The following TGM7 variants were observed in gnomAD, a reference collection of about 807,000 sequenced individuals.
TGM7 encodes the protein transglutaminase 7, also known as protein-glutamine gamma-glutamyltransferase Z.
TGM7 carries 74 observed loss-of-function variants against 79.5 expected under a neutral mutation model. The observed-to-expected ratio is 0.93, with a 90% CI of 0.77 to 1.13. The LOEUF (loss-of-function observed/expected upper bound fraction) is 1.13, where lower values mean the gene tolerates loss of function less well. TGM7 is among the 50% of genes most tolerant of loss of function. The pLI, the probability that TGM7 is intolerant of heterozygous loss-of-function variation, is 0.00. For missense variants in TGM7, 912 were observed against 905.9 expected, an observed-to-expected ratio of 1.01 and a Z score of -0.09; for synonymous variants, 354 against 362.5, an observed-to-expected ratio of 0.98 and a Z score of 0.27.
intron 1 of TGM7, among the ~76,000 whole-genome samples, chr15:43,294,462 G>A (rs1380982525): frequency 6.6e-6 from 1 of 152,230 alleles, no homozygotes; most frequent in East Asian, 1.9e-4. Flanking sequence ...CTGAAAAATG[G>A]AGACAATTGT....
chr15:43,292,041 A>C lies in TGM7; in HGVS notation c.496T>G (p.Tyr166Asp), dbSNP rs2042965989. ...ILLQEYIMRD[Y>D]GFVYKGHERF... ...TCATGACCCTTGTAAACAAAGCCAT[A>C]ATCTCGCATGATATACTCCTGCAGC... is the stretch of plus-strand genomic sequence containing the variant. Residue 166 changes from tyrosine to aspartate, a missense_variant, in exon 4 of 13, where the codon TAT becomes GAT. By Grantham distance (160) the Tyr-to-Asp change is radical. Transcript: ENST00000452443. 1 of 1,614,066 alleles carries C rather than the reference A, an allele frequency of 6.2e-7. No individual in the cohort carries two copies. Among genetic ancestry groups the C allele is most frequent in the Non-Finnish European group, 8.5e-7 (1 of 1,180,012 alleles).
At chr15:43,290,434 T>C (rs892066578) in intron 4 of TGM7, among the ~76,000 whole-genome samples, 1 of 152,232 alleles carries the variant, frequency 6.6e-6, no homozygotes, top group African/African-American at 2.4e-5. Context: ...ATCTCTGTTT[T>C]GGTACCAGTA....
At position 43,281,927 on chromosome 15, in the gene TGM7, C is replaced by A; in HGVS notation, c.1268G>T (p.Ser423Ile). The A allele has an allele frequency of 6.2e-7, 1 of 1,614,258 alleles. No homozygotes were observed. The highest frequency in any genetic ancestry group is 8.5e-7 in the Non-Finnish European group (1 of 1,180,042). The stretch of plus-strand genomic sequence containing the variant: ...AGTGCTGATCTCCTTCCCGATGGAA[C>A]TGGTGTTGTGGGCCAGGATTTCCTG... The part of the protein sequence containing the change: ...QAQEILAHNT[S>I]SIGKEISTKM... Residue 423 changes from serine (S) to isoleucine (I), a missense_variant, in exon 9 of 13, where the codon AGT becomes ATT. Coordinates refer to ENST00000452443, the MANE Select transcript of TGM7 (RefSeq NM_052955.3).
chr15:43,291,984 C>A lies in TGM7; in HGVS notation c.553G>T (p.Gly185Trp). 1 of 1,613,348 alleles carries A rather than the reference C, an allele frequency of 6.2e-7. No individual in the cohort carries two copies. The highest frequency in any genetic ancestry group is 8.5e-7 in the Non-Finnish European group (1 of 1,179,438). The change falls in exon 4 of 13, where the codon GGG becomes TGG. Residue 185 changes from glycine (G) to tryptophan (W), a missense_variant. Coordinates refer to ENST00000452443, the MANE Select transcript of TGM7 (RefSeq NM_052955.3). ...RFITSWPWNY[G>W]QFEEDIIDIC... ...ACATTGGGTAATAGTGTTACCTGCC[C>A]GTAGTTCCAGGGCCAGGAGGTGATG...
intron 6 of TGM7, among the ~76,000 whole-genome samples, chr15:43,286,450 C>G (rs1006047819): frequency 2.0e-5 from 3 of 152,180 alleles, no homozygotes; most frequent in African/African-American, 7.2e-5. Context: ...CACACCTGGG[C>G]AAAGTGAGGT....
At chr15:43,278,266 C>T (rs185711093) in intron 11 of TGM7, among the ~76,000 whole-genome samples, 68 of 152,288 alleles carry the variant, frequency 4.5e-4, no homozygotes, top group Admixed American at 1.3e-3. Context: ...GGTGAGAAAA[C>T]GAGGCTTTCG....
At chr15:43,291,056 T>C (rs2042961298) in intron 4 of TGM7, among the ~76,000 whole-genome samples, 1 of 152,198 alleles carries the variant, frequency 6.6e-6, no homozygotes, top group Non-Finnish European at 1.5e-5. Context: ...ACCCTTTATT[T>C]CCTTCTCCTG....
intron 4 of TGM7, among the ~76,000 whole-genome samples, chr15:43,289,496 C>T (rs1160373737): frequency 3.9e-5 from 6 of 152,146 alleles, no homozygotes; most frequent in African/African-American, 7.2e-5. Flanking sequence ...CAAGTCTTTG[C>T]TATTGTGAAT....
intron 6 of TGM7, among the ~76,000 whole-genome samples, chr15:43,286,738 A>G (rs745841109): frequency 3.9e-5 from 6 of 152,188 alleles, no homozygotes; most frequent in Non-Finnish European, 7.3e-5. Flanking sequence ...TCTCATCTTC[A>G]CAGATGGTCT....
chr15:43,285,579 T>C (rs189309924), intron 6 of TGM7, among the ~76,000 whole-genome samples: 75 of 152,196 alleles, frequency 4.9e-4, no homozygotes, highest in Non-Finnish European at 8.8e-4. Context: ...AGCTCTGAAA[T>C]TTGGGATCTG....
At chr15:43,281,091 G>A (rs2042905870) in intron 9 of TGM7, among the ~76,000 whole-genome samples, 1 of 152,218 alleles carries the variant, frequency 6.6e-6, no homozygotes, top group Admixed American at 6.5e-5. Context: ...CCCACCTGTG[G>A]ACTTCTCTGG....
In TGM7 at chr15:43,276,361, G is replaced by C. The variant is rs2042876941; in HGVS notation, c.*94C>G. 4.9e-6 allele frequency: 7 copies of C among 1,418,474 alleles called. No individual in the cohort carries two copies. Among genetic ancestry groups the C allele is most frequent in the East Asian group, 2.3e-5 (1 of 43,322 alleles). 87.9% of individuals were successfully genotyped at this position (1,418,474 alleles called of 1,614,324 possible). A position where few individuals can be genotyped will look rare whatever the true frequency, so the allele number is the denominator to read the frequency against. On this transcript the variant is annotated 3_prime_UTR_variant, in exon 13 of 13. Transcript: ENST00000452443. ...TTCATTCATTCCCAGGCAGGCTAGA[G>C]AGAGGACAGAGGTGGAGCCAAGACG...
intron 1 of TGM7, among the ~76,000 whole-genome samples, chr15:43,298,155 G>C (rs2043009491): frequency 6.6e-6 from 1 of 152,208 alleles, no homozygotes; most frequent in Non-Finnish European, 1.5e-5. Flanking sequence ...AGGGAGGCTG[G>C]CTCCAGAGGC....
In TGM7 at chr15:43,279,692, C is replaced by G. The variant is rs201567074; in HGVS notation, c.1611G>C (p.Leu537=). 95 of 1,613,724 alleles carry G rather than the reference C, an allele frequency of 5.9e-5. No homozygotes were observed. The East Asian group carries it at 2.1e-3, about 36-fold the overall frequency. The change falls in exon 10 of 13, where the codon CTG becomes CTC. Residue 537 remains leucine, a synonymous_variant. Transcript: ENST00000452443. ...LVVRFCAQAL[L]HGGGTQKPFW... is the part of the protein sequence containing the mutation. Reference sequence around the variant, plus strand: ...AGGGCTTCTGGGTACCACCCCCATGCAGCAGGGCCTGTGCACAGAAGCGCA... The same window carrying G: ...AGGGCTTCTGGGTACCACCCCCATGGAGCAGGGCCTGTGCACAGAAGCGCA...
chr15:43,297,764 C>CAGCAGTAACCT (rs990443621), intron 1 of TGM7, among the ~76,000 whole-genome samples: 2 of 152,208 alleles, frequency 1.3e-5, no homozygotes, highest in African/African-American at 4.8e-5. Flanking sequence ...TCTCTCCACT[C>CAGCAGTAACCT]GGGTCTTGGC....
chr15:43,294,291 C>A (rs2042981682), intron 1 of TGM7, among the ~76,000 whole-genome samples: 1 of 152,218 alleles, frequency 6.6e-6, no homozygotes, highest in Non-Finnish European at 1.5e-5. Context: ...GAGGAGGGCA[C>A]TGCCTGCTTC....
At chr15:43,291,797 C>T (rs2042964494) in intron 4 of TGM7, among the ~76,000 whole-genome samples, 182 bp downstream of exon 4, 1 of 152,098 alleles carries the variant, frequency 6.6e-6, no homozygotes, top group African/African-American at 2.4e-5. Flanking sequence ...AAAGGAAAGA[C>T]ATCCACCCCT....
intron 4 of TGM7, among the ~76,000 whole-genome samples, chr15:43,291,098 A>G (rs1161520768): frequency 1.3e-5 from 2 of 152,138 alleles, no homozygotes; most frequent in Non-Finnish European, 2.9e-5. Context: ...TTCCAACACT[A>G]TGTTAAATAG....
In TGM7 at chr15:43,293,013, C is replaced by T. The variant is rs1391914372; in HGVS notation, c.194-59G>A. ...CAAAAAACCTGTATGGTATATGATT[C>T]CAGGGGAGTCGGAAGGACCGTCACC... is the stretch of plus-strand genomic sequence containing the variant. On this transcript the variant is annotated intron_variant, in intron 2 of 12. Transcript: ENST00000452443. 3 of 1,579,506 alleles carry T rather than the reference C, an allele frequency of 1.9e-6. No individual in the cohort carries two copies. The Admixed American group carries it at 5.3e-5, about 28-fold the overall frequency.
Sources: allele counts gnomAD v4.1 joint callset (sites outside exome capture counted in the v4.1 genomes callset), GRCh38; gene constraint gnomAD v4.1.1; transcripts MANE v1.5; gene names NCBI Gene and HGNC (gene_info 2026-07-23, HGNC 2026-07-21).